ZNF385D: variants seen among roughly 807,000 people sequenced by gnomAD.
ZNF385D encodes zinc finger protein 385D.
ZNF385D carries 15 observed loss-of-function variants against 35.8 expected under a neutral mutation model. The ratio of observed to expected loss-of-function variants is 0.42; its 90% CI spans 0.28 to 0.64. ZNF385D has a LOEUF of 0.64. ZNF385D is among the 30% of genes least tolerant of loss of function. The pLI, the probability that ZNF385D is intolerant of heterozygous loss-of-function variation, is 0.23. For missense variants in ZNF385D, 474 were observed against 494.6 expected (o/e 0.96, Z 0.39); for synonymous variants, 212 against 186.8 (o/e 1.13, Z -1.10).
At chr3:22,273,833 C>T (rs1576597276) in intron 2 of ZNF385D, among the ~76,000 whole-genome samples, 1 of 151,922 alleles carries the variant, frequency 6.6e-6, no homozygotes, top group Admixed American at 6.6e-5. Flanking sequence ...ATACAATTTG[C>T]ACAATTATAG....
intron 3 of ZNF385D, among the ~76,000 whole-genome samples, chr3:21,949,537 CCTTCT>C (rs1450978991): frequency 1.5e-4 from 17 of 112,120 alleles, no homozygotes; most frequent in Middle Eastern, 5.3e-3. Context: ...TATTTTCTTT[CCTTCT>C]TTTCTTTCTT....
At chr3:22,080,606 A>G in intron 3 of ZNF385D, among the ~76,000 whole-genome samples, 1 of 152,110 alleles carries the variant, frequency 6.6e-6, no homozygotes, top group Middle Eastern at 3.4e-3. Flanking sequence ...TATATTTTAT[A>G]TACAAAATAT....
At chr3:22,009,104 A>C (rs1239757353) in intron 3 of ZNF385D, among the ~76,000 whole-genome samples, 1 of 152,230 alleles carries the variant, frequency 6.6e-6, no homozygotes, top group South Asian at 2.1e-4. Context: ...TTTAGAGAGC[A>C]CATTGTAATA....
rs1428441525 is a variant in ZNF385D, at chr3:21,419,226, CTTCCTTCT to C, written c.*1980_*1987del. On this transcript the variant is annotated 3_prime_UTR_variant, in exon 8 of 8. Transcript: ENST00000281523. ...CCTTCCTTCCATTCTTCCTTCCTTC[CTTCCTTCT>C]TTCCTTCTTTTTTTTTGTTTTTGTT... The C allele has an allele frequency of 6.8e-6, 1 of 147,822 alleles. No homozygotes were observed. The highest frequency in any genetic ancestry group is 2.5e-5 in the African/African-American group (1 of 39,330). The allele number at this position is 147,822 out of a possible 1,614,324, so 9.2% of individuals were successfully genotyped here. A position where few individuals can be genotyped will look rare whatever the true frequency, so the allele number is the denominator to read the frequency against.
At chr3:22,045,769 A>G (rs955096947) in intron 3 of ZNF385D, among the ~76,000 whole-genome samples, 4 of 152,052 alleles carry the variant, frequency 2.6e-5, no homozygotes, top group Admixed American at 1.3e-4. Context: ...TCTCAAACCA[A>G]TGGAGCCTGG....
intron 3 of ZNF385D, among the ~76,000 whole-genome samples, chr3:21,989,939 A>C (rs1440117778): frequency 6.6e-6 from 1 of 152,180 alleles, no homozygotes; most frequent in East Asian, 1.9e-4. Context: ...ATTTCACACA[A>C]AGATTTATGT....
At chr3:21,902,631 G>C (rs1699468171) in intron 3 of ZNF385D, among the ~76,000 whole-genome samples, 1 of 152,102 alleles carries the variant, frequency 6.6e-6, no homozygotes, top group Admixed American at 6.6e-5. Context: ...TGGTGTCATT[G>C]AAAATTATTT....
intron 3 of ZNF385D, among the ~76,000 whole-genome samples, chr3:21,862,772 G>A (rs981367851): frequency 1.3e-5 from 2 of 152,122 alleles, no homozygotes; most frequent in African/African-American, 4.8e-5. Flanking sequence ...CACGGTCCCT[G>A]TTACATCTGC....
intron 4 of ZNF385D, among the ~76,000 whole-genome samples, chr3:21,463,789 C>A (rs1013935019): frequency 2.6e-5 from 4 of 152,138 alleles, no homozygotes; most frequent in African/African-American, 9.7e-5. Context: ...TAACCAAAAT[C>A]CAAAATTATG....
At chr3:21,730,688 A>G (rs1442920747) in intron 1 of ZNF385D, among the ~76,000 whole-genome samples, 4 of 152,248 alleles carry the variant, frequency 2.6e-5, no homozygotes, top group African/African-American at 9.6e-5. Context: ...ACAACTGCTC[A>G]TGAGTTCTTA....
chr3:21,884,267 G>T (rs992613372), intron 3 of ZNF385D, among the ~76,000 whole-genome samples: 1 of 151,970 alleles, frequency 6.6e-6, no homozygotes, highest in African/African-American at 2.4e-5. Flanking sequence ...AAATTATCAG[G>T]CACTTAGCAC....
intron 3 of ZNF385D, among the ~76,000 whole-genome samples, chr3:22,100,566 C>A (rs561265040): frequency 7.9e-5 from 12 of 151,788 alleles, no homozygotes; most frequent in Non-Finnish European, 1.3e-4. Context: ...TCATCCTTCT[C>A]AGTAAACTAT....
chr3:22,290,828 T>C (rs1224699022), intron 2 of ZNF385D, among the ~76,000 whole-genome samples: 2 of 152,164 alleles, frequency 1.3e-5, no homozygotes, highest in Middle Eastern at 3.2e-3. Flanking sequence ...TCGTATTCCA[T>C]GTTGCTGATG....
At position 21,415,779 on chromosome 3, in the gene ZNF385D, G is replaced by A. The variant is rs1478714030; in HGVS notation, c.*5435C>T. 2.6e-5 allele frequency: 4 copies of A among 151,926 alleles called. No individual in the cohort carries two copies. Among genetic ancestry groups the A allele is most frequent in the Admixed American group, 6.6e-5 (1 of 15,246 alleles). 9.4% of individuals were successfully genotyped at this position (151,926 alleles called of 1,614,324 possible). A position where few individuals can be genotyped will look rare whatever the true frequency, so the allele number is the denominator to read the frequency against. On this transcript the variant is annotated 3_prime_UTR_variant, in exon 8 of 8. Coordinates refer to ENST00000281523, the MANE Select transcript of ZNF385D (RefSeq NM_024697.3). ...GCTGTCTTAGTTAACCAAACTCTAA[G>A]ATACTCTACCTGATCATATATATTA... is the stretch of plus-strand genomic sequence containing the variant.
chr3:22,326,207 A>G (rs113003796), intron 2 of ZNF385D, among the ~76,000 whole-genome samples: 1 of 152,160 alleles, frequency 6.6e-6, no homozygotes, highest in African/African-American at 2.4e-5. Flanking sequence ...CAATTACTAT[A>G]CCCCTGTCTC....
At chr3:22,105,503 A>C (rs1435795472) in intron 3 of ZNF385D, among the ~76,000 whole-genome samples, 2 of 152,160 alleles carry the variant, frequency 1.3e-5, no homozygotes, top group Non-Finnish European at 2.9e-5. Context: ...GGAGGCTGAG[A>C]AGTCCCACAG....
At chr3:22,164,717 C>A (rs1031435521) in intron 3 of ZNF385D, among the ~76,000 whole-genome samples, 1 of 151,634 alleles carries the variant, frequency 6.6e-6, no homozygotes. Flanking sequence ...AATTACAACA[C>A]CCTTTCACCT....
intron 3 of ZNF385D, among the ~76,000 whole-genome samples, chr3:21,868,985 C>T (rs2125843272): frequency 6.6e-6 from 1 of 152,164 alleles, no homozygotes; most frequent in South Asian, 2.1e-4. Context: ...TATAATGCTG[C>T]AACATCAGCT....
chr3:22,041,072 A>G (rs1698635587), intron 3 of ZNF385D, among the ~76,000 whole-genome samples: 2 of 152,114 alleles, frequency 1.3e-5, no homozygotes, highest in African/African-American at 4.8e-5. Context: ...GGGTTTCAAA[A>G]GATGTCATTA....
Sources: allele counts gnomAD v4.1 joint callset (sites outside exome capture counted in the v4.1 genomes callset), GRCh38; gene constraint gnomAD v4.1.1; transcripts MANE v1.5; gene names NCBI Gene and HGNC (gene_info 2026-07-23, HGNC 2026-07-21).